PPP3CB: variants seen among roughly 807,000 people sequenced by gnomAD.
PPP3CB encodes protein phosphatase 3 catalytic subunit beta, also known as serine/threonine-protein phosphatase 2B catalytic subunit beta isoform.
In PPP3CB, 8 loss-of-function variants were observed where a neutral mutation model predicts 66.4. The ratio of observed to expected loss-of-function variants is 0.12; its 90% CI spans 0.07 to 0.22. The LOEUF (loss-of-function observed/expected upper bound fraction) is 0.22, where lower values mean the gene tolerates loss of function less well. Ranked by LOEUF, PPP3CB falls within the 10% of genes least tolerant of loss-of-function variation. The pLI, the probability that PPP3CB is intolerant of heterozygous loss-of-function variation, is 1.00. For synonymous variants in PPP3CB, 208 were observed against 221.2 expected, an observed-to-expected ratio of 0.94 and a Z score of 0.53; for missense variants, 319 against 642.5, an observed-to-expected ratio of 0.50 and a Z score of 5.44.
intron 4 of PPP3CB, among the ~76,000 whole-genome samples, 165 bp from the exon 5 acceptor site, chr10:73,471,778 CCAGA>C (rs1246451352): frequency 6.6e-6 from 1 of 151,638 alleles, no homozygotes; most frequent in Admixed American, 6.6e-5. Context: ...TAGTAATAGC[CCAGA>C]CAGACAGACA....
Position 73,495,880 on chromosome 10 carries a change from G to A in PPP3CB, c.10C>T (p.Pro4Ser). Residue 4 changes from proline to serine, a missense_variant, in exon 1 of 14, where the codon CCG (proline) becomes TCG (serine). Coordinates refer to ENST00000360663, the MANE Select transcript of PPP3CB (RefSeq NM_021132.4). ...GGCGGTGCAGCCCGGGCCGGCTCCG[G>A]GGCGGCCATGCTGGGCCCGGGGCTC... MAA[P>S]EPARAAPPPP... 7.4e-7 allele frequency: 1 copy of A among 1,349,486 alleles called. No homozygotes were observed. The highest frequency in any genetic ancestry group is 9.5e-7 in the Non-Finnish European group (1 of 1,054,490). The allele number at this position is 1,349,486 out of a possible 1,614,324, so 83.6% of individuals were successfully genotyped here.
In PPP3CB at chr10:73,454,408, A is replaced by T. The variant is rs775431699; in HGVS notation, c.1186+4T>A. ...AAAAAAAATAGTAAGATGAATAATC[A>T]TACCATCAAACTGGTCTTCACCTTC... On this transcript the variant is annotated splice_donor_region_variant and intron_variant, in intron 10 of 13. Transcript: ENST00000360663. 3 of 1,595,732 alleles carry T rather than the reference A, an allele frequency of 1.9e-6. No homozygotes were observed. Among genetic ancestry groups the T allele is most frequent in the Non-Finnish European group, 2.6e-6 (3 of 1,165,068 alleles).
At chr10:73,448,771 C>T in intron 10 of PPP3CB, 1 of 531,336 alleles carries the variant, frequency 1.9e-6, no homozygotes, top group Non-Finnish European at 3.9e-6. Context: ...AGAGATTTAA[C>T]TTGGCAGTGG....
At chr10:73,438,498 A>G (rs2056099813) in intron 13 of PPP3CB, 78 bp from the exon 14 acceptor site, 1 of 1,349,384 alleles carries the variant, frequency 7.4e-7, no homozygotes, top group Non-Finnish European at 1.0e-6. Flanking sequence ...AATGATTTTT[A>G]AGAAGAAAGA....
intron 10 of PPP3CB, among the ~76,000 whole-genome samples, chr10:73,448,377 T>C (rs185799743): frequency 9.5e-4 from 144 of 152,228 alleles, no homozygotes; most frequent in African/African-American, 3.3e-3. Context: ...CAAACAACCC[T>C]AATCATGCAG....
rs540040906 is a variant in PPP3CB at position 73,493,018 on chromosome 10, G to A, written c.85+2787C>T. ...AGGCCGGGCGCGGTGGCTCACGCCT[G>A]TAATCCCAACACTTTGGGAGGCCAC... On this transcript the variant is annotated intron_variant, in intron 1 of 13. Transcript: ENST00000360663. Among the ~76,000 whole-genome samples, 64 of 152,256 alleles carry A rather than the reference G, an allele frequency of 4.2e-4. 1 individual carries two copies. The Middle Eastern group carries it at 0.017, about 40-fold the overall frequency.
intron 1 of PPP3CB, among the ~76,000 whole-genome samples, chr10:73,494,770 G>A (rs2057151715): frequency 6.6e-6 from 1 of 152,054 alleles, no homozygotes; most frequent in South Asian, 2.1e-4. Context: ...TTGAGAAGCT[G>A]AATGAAAACA....
intron 9 of PPP3CB, among the ~76,000 whole-genome samples, chr10:73,464,691 G>A (rs1327032141): frequency 6.6e-6 from 1 of 152,122 alleles, no homozygotes; most frequent in South Asian, 2.1e-4. Context: ...CAGCACTTTA[G>A]GAAGTTGAGG....
intron 10 of PPP3CB, among the ~76,000 whole-genome samples, chr10:73,453,944 A>C (rs1177455435): frequency 6.6e-6 from 1 of 152,214 alleles, no homozygotes; most frequent in Non-Finnish European, 1.5e-5. Flanking sequence ...ATCTGAAACT[A>C]AATTAGCAAG....
chr10:73,491,028 T>G (rs1475617845), intron 1 of PPP3CB, among the ~76,000 whole-genome samples: 31 of 109,888 alleles, frequency 2.8e-4, no homozygotes, highest in African/African-American at 1.3e-3. Flanking sequence ...TATTGTTTTT[T>G]TTTTTTTTTT....
chr10:73,447,281 C>T (rs1309574758), intron 10 of PPP3CB, among the ~76,000 whole-genome samples: 2 of 152,204 alleles, frequency 1.3e-5, no homozygotes, highest in African/African-American at 4.8e-5. Flanking sequence ...ATCACTACTG[C>T]TTCATCTCTA....
intron 1 of PPP3CB, among the ~76,000 whole-genome samples, chr10:73,481,133 T>TAAGG (rs1226180469): frequency 6.6e-6 from 1 of 151,514 alleles, no homozygotes; most frequent in Non-Finnish European, 1.5e-5. Context: ...GACTGAAATG[T>TAAGG]AAGGCAGCTC....
At chr10:73,472,428 A>G (rs1421749573) in intron 4 of PPP3CB, among the ~76,000 whole-genome samples, 1 of 150,784 alleles carries the variant, frequency 6.6e-6, no homozygotes, top group Non-Finnish European at 1.5e-5. Context: ...CAGGAGGTGG[A>G]GGCTGCAGTG....
chr10:73,464,200 T>A (rs1429616642), intron 9 of PPP3CB, among the ~76,000 whole-genome samples: 1 of 152,158 alleles, frequency 6.6e-6, no homozygotes, highest in East Asian at 1.9e-4. Flanking sequence ...AGTGCTGGGA[T>A]TACAGGCATG....
At position 73,437,316 on chromosome 10, in the gene PPP3CB, T is replaced by C. The variant is rs1317275026; in HGVS notation, c.*926A>G. On this transcript the variant is annotated 3_prime_UTR_variant, in exon 14 of 14. Coordinates refer to ENST00000360663, the MANE Select transcript of PPP3CB (RefSeq NM_021132.4). ...CTCTAAGCAACTTGAGTACTCACAA[T>C]AAACTAAAATTTCTCATAACATCTA... 5 of 152,660 alleles carry C rather than the reference T, an allele frequency of 3.3e-5. No homozygotes were observed. The East Asian group carries it at 9.6e-4, about 29-fold the overall frequency. The allele number at this position is 152,660 out of a possible 1,614,324, so 9.5% of individuals were successfully genotyped here.
intron 9 of PPP3CB, among the ~76,000 whole-genome samples, chr10:73,458,225 C>T (rs2056461771): frequency 6.6e-6 from 1 of 152,162 alleles, no homozygotes; most frequent in Non-Finnish European, 1.5e-5. Flanking sequence ...CAACCTCTGT[C>T]TCCCAGGTTC....
intron 9 of PPP3CB, among the ~76,000 whole-genome samples, chr10:73,466,767 A>G (rs907478636): frequency 6.6e-6 from 1 of 152,206 alleles, no homozygotes; most frequent in East Asian, 1.9e-4. Flanking sequence ...AATATGGAAG[A>G]GGTGAGAAAA....
At position 73,438,145 on chromosome 10, in the gene PPP3CB, CTG is replaced by C. The variant is rs2056094844; in HGVS notation, c.*95_*96del. The C allele has an allele frequency of 1.6e-6, 2 of 1,219,434 alleles. No individual in the cohort carries two copies. The highest frequency in any genetic ancestry group is 2.5e-5 in the East Asian group (1 of 39,844). The allele number at this position is 1,219,434 out of a possible 1,614,324, so 75.5% of individuals were successfully genotyped here. ...AAGCACAATGGTTTCTTCAGAGAGA[CTG>C]TGAAATTTACAGTCAGCTTGGCCGA... On this transcript the variant is annotated 3_prime_UTR_variant, in exon 14 of 14. Transcript: ENST00000360663.
At chr10:73,488,374 T>C (rs2057021212) in intron 1 of PPP3CB, among the ~76,000 whole-genome samples, 1 of 151,954 alleles carries the variant, frequency 6.6e-6, no homozygotes, top group East Asian at 1.9e-4. Context: ...GTGAGACCTC[T>C]GTCTCCATAA....
Sources: gnomAD v4.1 joint callset for allele counts (sites outside exome capture counted in the v4.1 genomes callset) on GRCh38, gnomAD v4.1.1 for gene constraint, MANE v1.5 for transcripts, NCBI Gene and HGNC (gene_info 2026-07-23, HGNC 2026-07-21) for gene names.